The following ADAMTS16 variants were observed in gnomAD, a reference collection of about 807,000 sequenced individuals.
ADAMTS16 encodes the protein ADAM metallopeptidase with thrombospondin type 1 motif 16, also known as A disintegrin and metalloproteinase with thrombospondin motifs 16.
ADAMTS16 carries 94 observed loss-of-function variants against 145.8 expected under a neutral mutation model. The ratio of observed to expected loss-of-function variants is 0.64; its 90% CI spans 0.55 to 0.77. The LOEUF (loss-of-function observed/expected upper bound fraction) is 0.77. Among genes scored for constraint, ADAMTS16 ranks in the 30% least tolerant of loss-of-function variants. ADAMTS16 has a pLI of 0.00. For missense variants in ADAMTS16, 1,585 were observed against 1,591.5 expected (o/e 1.00, Z 0.07); for synonymous variants, 659 against 604.3 (o/e 1.09, Z -1.33).
chr5:5,164,138 C>T (rs1011418901), intron 3 of ADAMTS16, among the ~76,000 whole-genome samples: 6 of 152,210 alleles, frequency 3.9e-5, no homozygotes, highest in Non-Finnish European at 8.8e-5. Context: ...AGGTAACCTT[C>T]AACCTATCAG....
intron 17 of ADAMTS16, among the ~76,000 whole-genome samples, chr5:5,255,875 A>G (rs1219934177): frequency 6.6e-6 from 1 of 152,224 alleles, no homozygotes; most frequent in Non-Finnish European, 1.5e-5. Flanking sequence ...CATCCTAATT[A>G]AAAATATCTG....
At chr5:5,188,984 T>C (rs1735585194) in intron 6 of ADAMTS16, among the ~76,000 whole-genome samples, 1 of 152,236 alleles carries the variant, frequency 6.6e-6, no homozygotes, top group Non-Finnish European at 1.5e-5. Context: ...TAATGCAGTT[T>C]TCCTGGAAAT....
chr5:5,307,357 G>A (rs932407541), intron 21 of ADAMTS16, among the ~76,000 whole-genome samples: 1 of 152,172 alleles, frequency 6.6e-6, no homozygotes, highest in Admixed American at 6.5e-5. Flanking sequence ...GTAGAGAGGC[G>A]CTTCATCTGG....
intron 12 of ADAMTS16, 26 bp from the exon 13 acceptor site, chr5:5,234,988 T>C (rs769267520): frequency 3.3e-6 from 5 of 1,511,826 alleles, no homozygotes; most frequent in Non-Finnish European, 4.5e-6. Flanking sequence ...AATATAAAAA[T>C]TCTAACTTCA....
chr5:5,182,237 C>G lies in ADAMTS16; in HGVS notation c.695C>G (p.Pro232Arg). Residue 232 changes from proline to arginine, a missense_variant, in exon 4 of 23, where the codon CCC becomes CGC. Pro to Arg is a moderately radical substitution (Grantham distance 103, BLOSUM62 -2). Around this residue, in one of 3 missense-constraint regions of ADAMTS16, gnomAD observed 453 missense variants for 412.1 expected, o/e 1.10. Coordinates refer to ENST00000274181, the MANE Select transcript of ADAMTS16 (RefSeq NM_139056.4). Reference protein sequence around the residue: ...TSRTWELAHQPLHSSDLRLGL... With the variant: ...TSRTWELAHQRLHSSDLRLGL... ...AGGACATGGGAGCTGGCACATCAAC[C>G]CCTGCACAGCAGCGACCTTCGCCTG... 1 of 1,614,146 alleles carries G rather than the reference C, an allele frequency of 6.2e-7. No homozygotes were observed. Among genetic ancestry groups the G allele is most frequent in the Non-Finnish European group, 8.5e-7 (1 of 1,180,022 alleles).
intron 8 of ADAMTS16, among the ~76,000 whole-genome samples, chr5:5,194,483 G>C (rs1048101692): frequency 6.6e-6 from 1 of 152,168 alleles, no homozygotes; most frequent in Admixed American, 6.5e-5. Flanking sequence ...AGACTATGTG[G>C]AATATTCAGC....
chr5:5,304,989 C>CACACACA lies in ADAMTS16; in HGVS notation c.3186+1223_3186+1224insACACACA, dbSNP rs1561000155. 1.9e-3 allele frequency among the ~76,000 whole-genome samples: 111 copies of CACACACA among 57,446 alleles called. 2 individuals are homozygous for CACACACA. The highest frequency in any genetic ancestry group is 6.4e-3 in the African/African-American group (104 of 16,198). 37.7% of individuals were successfully genotyped at this position (57,446 alleles called of 152,430 possible). A position where few individuals can be genotyped will look rare whatever the true frequency, so the allele number is the denominator to read the frequency against. On this transcript the variant is annotated intron_variant, in intron 20 of 22. Coordinates refer to ENST00000274181, the MANE Select transcript of ADAMTS16 (RefSeq NM_139056.4). Reference sequence around the variant, plus strand: ...CACACACACACACACACATCCTACACCACACACACACACACATCCCACACC... The same window carrying CACACACA: ...CACACACACACACACACATCCTACACACACACACACACACACACACACATCCCACACC...
chr5:5,214,031 A>T (rs1019749), intron 10 of ADAMTS16, among the ~76,000 whole-genome samples: 1 of 152,344 alleles, frequency 6.6e-6, no homozygotes, highest in Admixed American at 6.5e-5. Flanking sequence ...GCTATCATCC[A>T]CCTGGTATCC....
intron 18 of ADAMTS16, among the ~76,000 whole-genome samples, chr5:5,300,885 C>T (rs1329938793): frequency 2.0e-5 from 3 of 152,154 alleles, no homozygotes; most frequent in Non-Finnish European, 4.4e-5. Flanking sequence ...GGAGCAGTTT[C>T]AGGATGTTCC....
chr5:5,221,472 C>T (rs763905401), intron 10 of ADAMTS16, among the ~76,000 whole-genome samples: 18 of 152,056 alleles, frequency 1.2e-4, no homozygotes, highest in Non-Finnish European at 2.2e-4. Flanking sequence ...ATCACAATGG[C>T]GAGGATCCCA....
intron 17 of ADAMTS16, among the ~76,000 whole-genome samples, chr5:5,246,530 C>T (rs1737448832): frequency 6.6e-6 from 1 of 152,220 alleles, no homozygotes; most frequent in African/African-American, 2.4e-5. Flanking sequence ...TCCATTCATT[C>T]ATTCATCATC....
chr5:5,203,234 T>G (rs1483550856), intron 9 of ADAMTS16, among the ~76,000 whole-genome samples: 3 of 152,258 alleles, frequency 2.0e-5, no homozygotes, highest in African/African-American at 4.8e-5. Context: ...AAATTCACTA[T>G]TAAGATTCAT....
At chr5:5,222,985 C>G in intron 11 of ADAMTS16, 101 bp downstream of exon 11, 1 of 986,746 alleles carries the variant, frequency 1.0e-6, no homozygotes, top group Non-Finnish European at 1.6e-6. Context: ...ACATGTATTT[C>G]TCATATACAT....
At chr5:5,241,339 G>A (rs1179568139) in intron 16 of ADAMTS16, among the ~76,000 whole-genome samples, 2 of 152,214 alleles carry the variant, frequency 1.3e-5, no homozygotes, top group African/African-American at 4.8e-5. Context: ...TTCAAGCTAG[G>A]AAATGTAGAG....
chr5:5,265,193 G>A (rs1209743243), intron 18 of ADAMTS16, among the ~76,000 whole-genome samples: 1 of 152,216 alleles, frequency 6.6e-6, no homozygotes, highest in Non-Finnish European at 1.5e-5. Flanking sequence ...GCTGAGTTGT[G>A]TCAAAGACAA....
rs1437555782 is a variant in ADAMTS16, at chr5:5,319,481, AC to A, written c.*344del. The A allele has an allele frequency of 1.9e-5, 6 of 324,120 alleles. No individual in the cohort carries two copies. In the Admixed American group the frequency reaches 2.9e-4, roughly 15 times the overall value. 20.1% of individuals were successfully genotyped at this position (324,120 alleles called of 1,614,324 possible). A position where few individuals can be genotyped will look rare whatever the true frequency, so the allele number is the denominator to read the frequency against. On this transcript the variant is annotated 3_prime_UTR_variant, in exon 23 of 23. Transcript: ENST00000274181. The stretch of plus-strand genomic sequence containing the variant: ...AAGTCAAAAAGACAGGCGAGGCTGA[AC>A]TTGCTAAATGTCTGGTGCCTTAGAA...
intron 10 of ADAMTS16, among the ~76,000 whole-genome samples, chr5:5,220,676 G>A (rs560228339): frequency 6.6e-6 from 1 of 152,218 alleles, no homozygotes; most frequent in South Asian, 2.1e-4. Context: ...CAGGCCCTGA[G>A]CTGAACACAT....
chr5:5,305,819 C>A (rs866675455), intron 20 of ADAMTS16, among the ~76,000 whole-genome samples: 1 of 152,224 alleles, frequency 6.6e-6, no homozygotes, highest in African/African-American at 2.4e-5. Flanking sequence ...GGGGCCGGGA[C>A]CTCTGTCCCA....
At chr5:5,229,070 G>T (rs555289702) in intron 11 of ADAMTS16, among the ~76,000 whole-genome samples, 1 of 151,536 alleles carries the variant, frequency 6.6e-6, no homozygotes, top group Non-Finnish European at 1.5e-5. Flanking sequence ...AGGCCGAGGC[G>T]GGTGGATCAC....
Sources: gnomAD v4.1 joint callset for allele counts (sites outside exome capture counted in the v4.1 genomes callset) on GRCh38, gnomAD v4.1.1 for gene constraint, gnomAD v4.1.1 regional missense constraint, MANE v1.5 for transcripts, NCBI Gene and HGNC (gene_info 2026-07-23, HGNC 2026-07-21) for gene names.